Variants in DOCK10 observed in about 807,000 individuals in gnomAD.
The protein encoded by DOCK10 is dedicator of cytokinesis 10, also known as dedicator of cytokinesis protein 10.
A neutral mutation model predicts 280.1 loss-of-function variants in DOCK10; 145 were observed. The ratio of observed to expected loss-of-function variants is 0.52; its 90% confidence interval spans 0.45 to 0.59. The LOEUF (loss-of-function observed/expected upper bound fraction) is 0.59. Among genes scored for constraint, DOCK10 ranks in the 20% least tolerant of loss-of-function variants. DOCK10 has a pLI of 0.00. For synonymous variants in DOCK10, 915 were observed against 942.2 expected (o/e 0.97, Z 0.53); for missense variants, 2,368 against 2,651.7 (o/e 0.89, Z 2.35).
At chr2:224,961,438 C>CTTTCTTTCTTTCTTTCTTTCT in intron 1 of DOCK10, among the ~76,000 whole-genome samples, 2 of 128,232 alleles carry the variant, frequency 1.6e-5, no homozygotes, top group African/African-American at 5.6e-5. Flanking sequence ...TTCTTTCTTT[C>CTTTCTTTCTTTCTTTCTTTCT]TTTCTTTCTT....
intron 1 of DOCK10, among the ~76,000 whole-genome samples, chr2:224,978,516 G>A (rs1269250885): frequency 6.6e-6 from 1 of 152,152 alleles, no homozygotes; most frequent in Non-Finnish European, 1.5e-5. Context: ...CGATTGCTCT[G>A]GTAGATGGAA....
rs1695451576 is a variant in DOCK10 at position 224,834,249 on chromosome 2, G to T, written c.2865C>A (p.Thr955=). Residue 955 remains threonine (T), a synonymous_variant, in exon 26 of 56, where the codon ACC becomes ACA. Transcript: ENST00000258390. ...GTACAGTCCTCTCCTTGCATGCCCTGGTCTTGAACACGAACTGAAGAAAAT... is the reference window on the plus strand; with the variant it reads ...GTACAGTCCTCTCCTTGCATGCCCTTGTCTTGAACACGAACTGAAGAAAAT... ...VQSYIKFVFK[T]RACKERTVHE... The T allele has an allele frequency of 6.2e-7, 1 of 1,605,060 alleles. No individual in the cohort carries two copies. The highest frequency in any genetic ancestry group is 8.5e-7 in the Non-Finnish European group (1 of 1,173,394).
At chr2:224,949,560 G>A (rs1371486083) in intron 1 of DOCK10, among the ~76,000 whole-genome samples, 1 of 152,206 alleles carries the variant, frequency 6.6e-6, no homozygotes, top group Non-Finnish European at 1.5e-5. Context: ...CTCTAAGGTA[G>A]GCTTTGAATA....
chr2:224,942,071 C>G (rs1703122257), intron 1 of DOCK10, among the ~76,000 whole-genome samples: 1 of 152,238 alleles, frequency 6.6e-6, no homozygotes, highest in Admixed American at 6.5e-5. Context: ...CTCTTCTTCT[C>G]TAGCAAATGG....
rs778327164 is a variant in DOCK10, at chr2:224,804,150, G to A, written c.4230C>T (p.Ser1410=). The part of the protein sequence containing the change: ...STQNNGTLKG[S]NPSCQTSGLL... ...GACCTGATGTCTGGCAGGAAGGATT[G>A]GATCCTTTGAGAGTTCCATTGTTCT... Residue 1410 remains serine (S), a synonymous_variant, in exon 39 of 56, where the codon TCC becomes TCT. Transcript: ENST00000258390. 1 of 1,611,630 alleles carries A rather than the reference G, an allele frequency of 6.2e-7. No homozygotes were observed. Among genetic ancestry groups the A allele is most frequent in the Non-Finnish European group, 8.5e-7 (1 of 1,178,398 alleles).
intron 1 of DOCK10, among the ~76,000 whole-genome samples, chr2:225,031,548 A>G (rs529999411): frequency 1.7e-4 from 26 of 152,286 alleles, no homozygotes; most frequent in Non-Finnish European, 2.6e-4. Flanking sequence ...AGCAGGGAGA[A>G]GGAGGTGATA....
intron 50 of DOCK10, chr2:224,784,871 G>T: frequency 1.3e-6 from 1 of 796,710 alleles, no homozygotes; most frequent in Non-Finnish European, 1.8e-6. Flanking sequence ...AAACCATCTG[G>T]TAGGCAATCC....
At chr2:224,895,714 T>C (rs16866296) in intron 4 of DOCK10, among the ~76,000 whole-genome samples, 28,341 of 151,946 alleles carry the variant, frequency 0.19, 4,527 homozygotes, top group African/African-American at 0.44. Context: ...AGCTTTTCTG[T>C]GGAGGTGACT....
chr2:224,921,143 T>C lies in DOCK10; in HGVS notation c.244-4359A>G, dbSNP rs751413401. On this transcript the variant is annotated intron_variant, in intron 2 of 55. Coordinates refer to ENST00000258390, the MANE Select transcript of DOCK10 (RefSeq NM_014689.3). ...TATATATATATATATATAATGTATA[T>C]ACACAAAAAATAGCCGGGCATGGTG... Among the ~76,000 whole-genome samples the C allele has an allele frequency of 1.8e-3, 184 of 103,728 alleles. 4 individuals carry two copies. Among genetic ancestry groups the C allele is most frequent in the African/African-American group, 8.3e-3 (170 of 20,388 alleles). 68.0% of individuals were successfully genotyped at this position (103,728 alleles called of 152,430 possible).
intron 3 of DOCK10, among the ~76,000 whole-genome samples, chr2:224,913,526 A>AAAG (rs1207200911): frequency 1.3e-5 from 2 of 152,172 alleles, no homozygotes; most frequent in Admixed American, 1.3e-4. Context: ...GTGTTCAGCA[A>AAAG]AAGACATAAT....
chr2:224,946,874 G>T (rs1205793613), intron 1 of DOCK10: 2 of 1,545,814 alleles, frequency 1.3e-6, no homozygotes, highest in Non-Finnish European at 1.7e-6. Context: ...TTTCTTCTTG[G>T]TTTACTCTCC....
chr2:224,886,666 G>A (rs1699303042), intron 4 of DOCK10, 135 bp from the exon 5 acceptor site: 1 of 669,470 alleles, frequency 1.5e-6, no homozygotes, highest in African/African-American at 1.8e-5. Context: ...AATCTTTTGA[G>A]TGTCTCATTT....
At position 224,779,039 on chromosome 2, in the gene DOCK10, AATTT is replaced by A. The variant is rs373788663; in HGVS notation, c.5656-759_5656-756del. On this transcript the variant is annotated intron_variant, in intron 50 of 55. Transcript: ENST00000258390. ...GAGCAAGTAGGTTTTAGCCTCTATT[AATTT>A]ATTTGTCTGGTTTGAAGCAGGGGGA... Among the ~76,000 whole-genome samples, 922 of 152,176 alleles carry A rather than the reference AATTT, an allele frequency of 6.1e-3. 8 individuals are homozygous for A. Among genetic ancestry groups the A allele is most frequent in the African/African-American group, 0.021 (865 of 41,504 alleles).
At chr2:224,873,594 C>CAAA (rs35401247) in intron 11 of DOCK10, among the ~76,000 whole-genome samples, 423 of 33,528 alleles carry the variant, frequency 0.013, 41 homozygotes, top group African/African-American at 0.029. Flanking sequence ...AAGACCATCT[C>CAAA]AAAAAAAAAA....
At chr2:224,825,798 AT>A (rs922533355) in intron 27 of DOCK10, among the ~76,000 whole-genome samples, 37 of 152,140 alleles carry the variant, frequency 2.4e-4, no homozygotes, top group African/African-American at 8.4e-4. Context: ...GAGATTGTGA[AT>A]TTTTTGTCTC....
chr2:225,007,845 C>T (rs770485193), intron 1 of DOCK10, among the ~76,000 whole-genome samples: 2 of 152,074 alleles, frequency 1.3e-5, no homozygotes, highest in Admixed American at 6.5e-5. Flanking sequence ...ACAGGCTTGA[C>T]AATTGTTTTT....
At chr2:224,960,980 C>T (rs1027978884) in intron 1 of DOCK10, among the ~76,000 whole-genome samples, 10 of 152,214 alleles carry the variant, frequency 6.6e-5, no homozygotes, top group East Asian at 1.9e-4. Flanking sequence ...CCTCGTGATC[C>T]GCCTGTCTCG....
intron 2 of DOCK10, among the ~76,000 whole-genome samples, chr2:224,930,470 G>A (rs1395108129): frequency 2.6e-5 from 4 of 151,534 alleles, no homozygotes; most frequent in Admixed American, 6.6e-5. Context: ...CTTTCTTTCT[G>A]TTTACAAATC....
chr2:224,847,158 C>G (rs1696418539), intron 19 of DOCK10, among the ~76,000 whole-genome samples: 1 of 152,134 alleles, frequency 6.6e-6, no homozygotes, highest in Non-Finnish European at 1.5e-5. Context: ...AGGGCATACT[C>G]CCTATTTCTG....
Sources: gnomAD v4.1 joint callset for allele counts (sites outside exome capture counted in the v4.1 genomes callset) on GRCh38, gnomAD v4.1.1 for gene constraint, MANE v1.5 for transcripts, NCBI Gene and HGNC (gene_info 2026-07-23, HGNC 2026-07-21) for gene names.